Variants in CTIF observed in about 807,000 individuals in gnomAD.
The protein encoded by CTIF is CBP80/20-dependent translation initiation factor.
CTIF carries 21 observed loss-of-function variants against 66.0 expected under a neutral mutation model. The observed-to-expected ratio is 0.32, with a 90% CI of 0.23 to 0.46. The LOEUF (loss-of-function observed/expected upper bound fraction) is 0.46, where lower values mean the gene tolerates loss of function less well. CTIF is among the 20% of genes least tolerant of loss of function. The pLI, the probability that CTIF is intolerant of heterozygous loss-of-function variation, is 1.00. For missense variants in CTIF, 739 were observed against 812.7 expected (o/e 0.91, Z 1.10); for synonymous variants, 345 against 326.4 (o/e 1.06, Z -0.62).
intron 7 of CTIF, among the ~76,000 whole-genome samples, chr18:48,718,233 C>T (rs368361249): frequency 6.6e-6 from 1 of 152,126 alleles, no homozygotes. Context: ...CATATTTTTC[C>T]AATTTTTGAA....
intron 1 of CTIF, among the ~76,000 whole-genome samples, chr18:48,596,433 T>C (rs1333608540): frequency 6.6e-6 from 1 of 152,012 alleles, no homozygotes; most frequent in African/African-American, 2.4e-5. Context: ...GCAAAAGGCA[T>C]GTGCCAATGG....
At chr18:48,665,840 A>C (rs974262848) in intron 5 of CTIF, among the ~76,000 whole-genome samples, 1 of 152,204 alleles carries the variant, frequency 6.6e-6, no homozygotes, top group African/African-American at 2.4e-5. Flanking sequence ...AGTCCATTGT[A>C]TGGATATACC....
intron 1 of CTIF, among the ~76,000 whole-genome samples, chr18:48,594,973 C>A (rs1253635871): frequency 2.0e-5 from 3 of 152,214 alleles, no homozygotes; most frequent in Non-Finnish European, 2.9e-5. Context: ...TCCAGTCTGC[C>A]AAGAGGGAGG....
intron 7 of CTIF, among the ~76,000 whole-genome samples, chr18:48,730,584 CCT>C (rs2092442122): frequency 8.3e-5 from 1 of 12,094 alleles, no homozygotes; most frequent in Admixed American, 7.0e-4. Context: ...GTGAGGGGCC[CCT>C]GTGGTGTGAG....
intron 6 of CTIF, among the ~76,000 whole-genome samples, chr18:48,682,623 G>A (rs940577516): frequency 6.6e-6 from 1 of 152,234 alleles, no homozygotes; most frequent in Non-Finnish European, 1.5e-5. Context: ...CTGCTGCTGA[G>A]ATTTTTGGTT....
rs570097601 is a variant in CTIF, at chr18:48,722,057, A to G, written c.584+10362A>G. The stretch of plus-strand genomic sequence containing the variant: ...GCCAGGGCTTTCAGTGCAAATAACC[A>G]GTGTCTCGTGTATCTTCAGCTCAGC... On this transcript the variant is annotated intron_variant, in intron 7 of 11. Coordinates refer to ENST00000256413, the MANE Select transcript of CTIF (RefSeq NM_014772.3). Among the ~76,000 whole-genome samples, 16 of 152,256 alleles carry G rather than the reference A, an allele frequency of 1.1e-4. No individual in the cohort carries two copies. The South Asian group carries it at 3.3e-3, about 32-fold the overall frequency.
intron 1 of CTIF, chr18:48,565,328 A>G (rs970367114): frequency 1.3e-5 from 2 of 152,166 alleles, no homozygotes; most frequent in African/African-American, 4.8e-5. Context: ...CTTCTACAGG[A>G]AACAGCTGAG....
At chr18:48,618,973 G>C (rs918685611) in intron 1 of CTIF, among the ~76,000 whole-genome samples, 1 of 152,170 alleles carries the variant, frequency 6.6e-6, no homozygotes, top group African/African-American at 2.4e-5. Context: ...CCAGAGCAAG[G>C]CTGCAAAATC....
At chr18:48,805,603 A>G (rs940878217) in intron 9 of CTIF, among the ~76,000 whole-genome samples, 14 of 152,220 alleles carry the variant, frequency 9.2e-5, no homozygotes, top group African/African-American at 3.4e-4. Context: ...GGGGGAAAAA[A>G]AATCCAATAA....
At chr18:48,817,938 G>A (rs1000430856) in intron 10 of CTIF, among the ~76,000 whole-genome samples, 1 of 152,202 alleles carries the variant, frequency 6.6e-6, no homozygotes, top group Non-Finnish European at 1.5e-5. Context: ...ATTCCCAATC[G>A]GGAGCACTGG....
At chr18:48,730,098 A>T (rs2092424235) in intron 7 of CTIF, among the ~76,000 whole-genome samples, 1 of 152,332 alleles carries the variant, frequency 6.6e-6, no homozygotes, top group African/African-American at 2.4e-5. Flanking sequence ...CATTACAATT[A>T]AATAAAGCCA....
At chr18:48,817,112 C>A in intron 9 of CTIF, 109 bp from the exon 10 acceptor site, 1 of 1,112,646 alleles carries the variant, frequency 9.0e-7, no homozygotes, top group Non-Finnish European at 1.3e-6. Context: ...ATGGGGTTTG[C>A]CTGCTGCCCA....
In CTIF at chr18:48,859,905, T is replaced by C. The variant is rs2069422935; in HGVS notation, c.*346T>C. 1 of 512,000 alleles carries C rather than the reference T, an allele frequency of 2.0e-6. No individual in the cohort carries two copies. Among genetic ancestry groups the C allele is most frequent in the African/African-American group, 1.9e-5 (1 of 52,278 alleles). The allele number at this position is 512,000 out of a possible 1,614,324, so 31.7% of individuals were successfully genotyped here. A position where few individuals can be genotyped will look rare whatever the true frequency, so the allele number is the denominator to read the frequency against. ...GTGTGAGGGATCTCATCGCTGTGAC[T>C]CCTCGGAGACCTTGGCAGCCTCGCA... On this transcript the variant is annotated 3_prime_UTR_variant, in exon 12 of 12. Transcript: ENST00000256413.
At chr18:48,678,591 CTTT>C (rs11292317) in intron 6 of CTIF, among the ~76,000 whole-genome samples, 15 of 143,484 alleles carry the variant, frequency 1.0e-4, no homozygotes, top group Admixed American at 2.1e-4. Context: ...ATTTGTGAGT[CTTT>C]TTTTTTTTTT....
chr18:48,658,601 G>T (rs183471040), intron 3 of CTIF, among the ~76,000 whole-genome samples: 40 of 152,226 alleles, frequency 2.6e-4, no homozygotes, highest in Admixed American at 2.2e-3. Context: ...GCATGTGTGT[G>T]TATGTATGTG....
At chr18:48,655,901 AC>A (rs2091240188) in intron 3 of CTIF, among the ~76,000 whole-genome samples, 1 of 152,230 alleles carries the variant, frequency 6.6e-6, no homozygotes, top group African/African-American at 2.4e-5. Flanking sequence ...CCACATATGC[AC>A]TTGCACAGCA....
intron 6 of CTIF, among the ~76,000 whole-genome samples, chr18:48,706,313 G>A (rs2092153446): frequency 6.6e-6 from 1 of 152,152 alleles, no homozygotes; most frequent in Non-Finnish European, 1.5e-5. Flanking sequence ...CAATATTTAT[G>A]AGATTGCAGG....
chr18:48,755,446 A>G (rs1048638955), intron 7 of CTIF, among the ~76,000 whole-genome samples: 15 of 152,164 alleles, frequency 9.9e-5, no homozygotes, highest in Admixed American at 6.5e-5. Flanking sequence ...TGGGCTGGGT[A>G]GTCGGAAGGC....
intron 3 of CTIF, among the ~76,000 whole-genome samples, chr18:48,642,273 C>T (rs1343307583): frequency 1.3e-5 from 2 of 152,104 alleles, no homozygotes; most frequent in Non-Finnish European, 2.9e-5. Context: ...AAAGAGATGT[C>T]ATCCTGGCCA....
Sources: gnomAD v4.1 joint callset for allele counts (sites outside exome capture counted in the v4.1 genomes callset) on GRCh38, gnomAD v4.1.1 for gene constraint, MANE v1.5 for transcripts, NCBI Gene and HGNC (gene_info 2026-07-23, HGNC 2026-07-21) for gene names.